Variants in PCDHGB2 observed in about 807,000 individuals in gnomAD.
The protein encoded by PCDHGB2 is protocadherin gamma-B2.
PCDHGB2 carries 55 observed loss-of-function variants against 59.3 expected under a neutral mutation model. The observed-to-expected ratio is 0.93, with a 90% confidence interval of 0.75 to 1.16. The LOEUF (loss-of-function observed/expected upper bound fraction) is 1.16, where lower values mean the gene tolerates loss of function less well. PCDHGB2 is among the 50% of genes most tolerant of loss of function. PCDHGB2 has a pLI of 0.00. For synonymous variants in PCDHGB2, 516 were observed against 512.0 expected (o/e 1.01, Z -0.11); for missense variants, 1,228 against 1,198.5 (o/e 1.02, Z -0.36).
At chr5:141,481,618 G>C (rs1339565594) in intron 1 of PCDHGB2, among the ~76,000 whole-genome samples, 1 of 152,142 alleles carries the variant, frequency 6.6e-6, no homozygotes, top group African/African-American at 2.4e-5. Context: ...AGGAGTTCAA[G>C]ACCGGCCTGG....
intron 1 of PCDHGB2, chr5:141,398,904 C>T: frequency 6.2e-7 from 1 of 1,613,930 alleles, no homozygotes; most frequent in Non-Finnish European, 8.5e-7. Context: ...CACCAGGCAC[C>T]ACTGTGTTGC....
In PCDHGB2 at chr5:141,431,779, G is replaced by A; in HGVS notation, c.2422-63028G>A. 2 of 1,614,232 alleles carry A rather than the reference G, an allele frequency of 1.2e-6. No individual in the cohort carries two copies. Among genetic ancestry groups the A allele is most frequent in the Non-Finnish European group, 1.7e-6 (2 of 1,180,030 alleles). ...AAGTCCTGATCACTGTTCTGGACGT[G>A]AACGACAATGCCCCAGAAGTGGTCC... On this transcript the variant is annotated intron_variant, in intron 1 of 3. Transcript: ENST00000522605. This position sits in a 1 kb window ranked among gnomAD's most constrained non-coding sequence, Gnocchi z 4.8.
chr5:141,386,595 A>ATT lies in PCDHGB2; in HGVS notation c.2421+24050_2421+24051dup, dbSNP rs373179212. On this transcript the variant is annotated intron_variant, in intron 1 of 3. Transcript: ENST00000522605. Reference sequence around the variant, plus strand: ...CTCTGTACAATAGTGTGGGGGATACATTTTTTTTTTTTGACATGGAGTCTC... The same window carrying ATT: ...CTCTGTACAATAGTGTGGGGGATACATTTTTTTTTTTTTTGACATGGAGTCTC... 4.8e-5 allele frequency among the ~76,000 whole-genome samples: 7 copies of ATT among 146,172 alleles called. No individual in the cohort carries two copies. The East Asian group carries it at 9.9e-4, about 21-fold the overall frequency.
At position 141,490,124 on chromosome 5, in the gene PCDHGB2, T is replaced by C. The variant is rs1216088470; in HGVS notation, c.2422-4683T>C. On this transcript the variant is annotated intron_variant, in intron 1 of 3. Transcript: ENST00000522605. The surrounding 1 kb of genome is among the most constrained non-coding windows in gnomAD (Gnocchi z 5.4). ...GAGGCAGTGCGGAACCTCTTTGGCCTAGACCCTAGCAGTGGGGCAATCCAT... is the reference window on the plus strand; with the variant it reads ...GAGGCAGTGCGGAACCTCTTTGGCCCAGACCCTAGCAGTGGGGCAATCCAT... 6.2e-7 allele frequency: 1 copy of C among 1,614,144 alleles called. No individual in the cohort carries two copies. Among genetic ancestry groups the C allele is most frequent in the Non-Finnish European group, 8.5e-7 (1 of 1,180,054 alleles).
Position 141,486,563 on chromosome 5 carries a change from G to T in PCDHGB2, c.2422-8244G>T, listed in dbSNP as rs558244990. Reference sequence around the variant, plus strand: ...CTTTCAGAGGTCACATGAGGTGTTTGTTCCTGAGAACAATCGCCCAGGGGA... The same window carrying T: ...CTTTCAGAGGTCACATGAGGTGTTTTTTCCTGAGAACAATCGCCCAGGGGA... On this transcript the variant is annotated intron_variant, in intron 1 of 3. Transcript: ENST00000522605. The surrounding 1 kb of genome is among the most constrained non-coding windows in gnomAD (Gnocchi z 5.0). The T allele has an allele frequency of 4.3e-6, 7 of 1,614,006 alleles. No individual in the cohort carries two copies. The highest frequency in any genetic ancestry group is 4.0e-5 in the African/African-American group (3 of 75,054).
At chr5:141,365,935 C>G in intron 1 of PCDHGB2, 2 of 1,614,224 alleles carry the variant, frequency 1.2e-6, no homozygotes, top group Non-Finnish European at 1.7e-6. Context: ...TGACAGCCAG[C>G]GACAGTGGGA....
chr5:141,419,981 A>C, intron 1 of PCDHGB2: 2 of 1,614,052 alleles, frequency 1.2e-6, no homozygotes, highest in Non-Finnish European at 1.7e-6. Context: ...CCTCGCGGTG[A>C]TTCTAGCTAT....
At chr5:141,428,058 G>A (rs752468507) in intron 1 of PCDHGB2, 4 of 1,609,140 alleles carry the variant, frequency 2.5e-6, no homozygotes, top group South Asian at 1.1e-5. Flanking sequence ...GGTGGTGGCG[G>A]TGGACGCAGA....
intron 1 of PCDHGB2, chr5:141,421,422 C>A (rs908483513): frequency 6.2e-7 from 1 of 1,614,086 alleles, no homozygotes; most frequent in South Asian, 1.1e-5. Flanking sequence ...AGCGCGGAGT[C>A]CGCATCGTCT....
At chr5:141,376,603 G>A (rs1772884003) in intron 1 of PCDHGB2, 1 of 1,516,632 alleles carries the variant, frequency 6.6e-7, no homozygotes, top group East Asian at 2.3e-5. Context: ...TGTTATAGAA[G>A]CGAACCTCTT....
intron 1 of PCDHGB2, chr5:141,423,450 T>G (rs571358720): frequency 1.2e-6 from 2 of 1,614,050 alleles, no homozygotes; most frequent in East Asian, 4.5e-5. Flanking sequence ...CGTCACATTT[T>G]GTAGGCGTGG....
chr5:141,405,203 C>T, intron 1 of PCDHGB2: 2 of 1,613,520 alleles, frequency 1.2e-6, no homozygotes, highest in Non-Finnish European at 1.7e-6. Context: ...AGCTTTCCTA[C>T]AGACCTATTC....
At chr5:141,449,876 C>T (rs924666805) in intron 1 of PCDHGB2, among the ~76,000 whole-genome samples, 1 of 151,724 alleles carries the variant, frequency 6.6e-6, no homozygotes, top group African/African-American at 2.4e-5. Context: ...AATTTAACAT[C>T]AATGCAATAT....
At position 141,487,249 on chromosome 5, in the gene PCDHGB2, C is replaced by T. The variant is rs757148469; in HGVS notation, c.2422-7558C>T. ...AAGGAGAATCTCGTCTAACCCTCTACTTGGCTGTGTCCCTAGTGGCAATTT... is the reference window on the plus strand; with the variant it reads ...AAGGAGAATCTCGTCTAACCCTCTATTTGGCTGTGTCCCTAGTGGCAATTT... On this transcript the variant is annotated intron_variant, in intron 1 of 3. Coordinates refer to ENST00000522605, the MANE Select transcript of PCDHGB2 (RefSeq NM_018923.3). The surrounding 1 kb of genome is among the most constrained non-coding windows in gnomAD (Gnocchi z 5.0). 2.5e-6 allele frequency: 4 copies of T among 1,614,164 alleles called. No homozygotes were observed. In the South Asian group the frequency reaches 4.4e-5, roughly 18 times the overall value.
Position 141,408,609 on chromosome 5 carries a change from A to T in PCDHGB2, c.2421+46053A>T, listed in dbSNP as rs765291231. 3 of 1,613,970 alleles carry T rather than the reference A, an allele frequency of 1.9e-6. No homozygotes were observed. The highest frequency in any genetic ancestry group is 2.5e-6 in the Non-Finnish European group (3 of 1,179,916). On this transcript the variant is annotated intron_variant, in intron 1 of 3. Coordinates refer to ENST00000522605, the MANE Select transcript of PCDHGB2 (RefSeq NM_018923.3). ...GACCACGCCCCTCAATTTGATAAAA[A>T]GGAAATACATTTAGAAATTTTCGAA...
intron 1 of PCDHGB2, chr5:141,371,616 G>A: frequency 6.2e-7 from 1 of 1,614,012 alleles, no homozygotes; most frequent in Non-Finnish European, 8.5e-7. Flanking sequence ...GGTGACAGAT[G>A]GAGCCCTGGA....
chr5:141,453,205 G>A lies in PCDHGB2; in HGVS notation c.2422-41602G>A, dbSNP rs570291941. On this transcript the variant is annotated intron_variant, in intron 1 of 3. Coordinates refer to ENST00000522605, the MANE Select transcript of PCDHGB2 (RefSeq NM_018923.3). ...CACAGCTCACTGCAGCCTCAACCTC[G>A]TGCACTTAAGCGATCCTCCCACCTC... Among the ~76,000 whole-genome samples the A allele has an allele frequency of 1.1e-4, 17 of 151,990 alleles. No individual in the cohort carries two copies. In the East Asian group the frequency reaches 2.5e-3, roughly 22 times the overall value.
At chr5:141,478,513 G>A in intron 1 of PCDHGB2, 1 of 1,611,520 alleles carries the variant, frequency 6.2e-7, no homozygotes. Context: ...TCTATAGGCA[G>A]GTGTTGGGTG....
At position 141,421,139 on chromosome 5, in the gene PCDHGB2, A is replaced by T. The variant is rs2096548615; in HGVS notation, c.2421+58583A>T. Reference sequence around the variant, plus strand: ...TCCTTCGCTTTCTGATATATTTTGGATGTAGTCGGCCTAGGACTTCATAGA... The same window carrying T: ...TCCTTCGCTTTCTGATATATTTTGGTTGTAGTCGGCCTAGGACTTCATAGA... On this transcript the variant is annotated intron_variant, in intron 1 of 3. Transcript: ENST00000522605. 5 of 913,574 alleles carry T rather than the reference A, an allele frequency of 5.5e-6. No individual in the cohort carries two copies. The South Asian group carries it at 8.8e-5, about 16-fold the overall frequency. 56.6% of individuals were successfully genotyped at this position (913,574 alleles called of 1,614,324 possible). A position where few individuals can be genotyped will look rare whatever the true frequency, so the allele number is the denominator to read the frequency against.
Sources: gnomAD v4.1 joint callset for allele counts (sites outside exome capture counted in the v4.1 genomes callset) on GRCh38, gnomAD v4.1.1 for gene constraint, Gnocchi (gnomAD v3.1) non-coding constraint, MANE v1.5 for transcripts, NCBI Gene and HGNC (gene_info 2026-07-23, HGNC 2026-07-21) for gene names.